The following THAP8 variants were observed in gnomAD, a reference collection of about 807,000 sequenced individuals.
THAP8 encodes the protein THAP domain containing 8, also known as THAP domain-containing protein 8.
In THAP8, 24 loss-of-function variants were observed where a neutral mutation model predicts 25.0. The ratio of observed to expected loss-of-function variants is 0.96; its 90% CI spans 0.69 to 1.35. The LOEUF is 1.35. THAP8 is among the 40% of genes most tolerant of loss of function. The pLI is 0.00. For synonymous variants in THAP8, 169 were observed against 157.6 expected (o/e 1.07, Z -0.54); for missense variants, 399 against 368.8 (o/e 1.08, Z -0.67).
chr19:36,040,223 C>T lies in THAP8; in HGVS notation c.84-87G>A, dbSNP rs1298537297. 4.3e-6 allele frequency: 6 copies of T among 1,389,498 alleles called. No individual in the cohort carries two copies. The East Asian group carries it at 1.5e-4, about 35-fold the overall frequency. The allele number at this position is 1,389,498 out of a possible 1,614,324, so 86.1% of individuals were successfully genotyped here. On this transcript the variant is annotated intron_variant, in intron 1 of 3. Coordinates refer to ENST00000292894, the MANE Select transcript of THAP8 (RefSeq NM_152658.3). ...GATACCCACCCTGGAGGTCTCTGGG[C>T]TCCAAGCCTGTGCCTCCCTAGGGCT...
At chr19:36,044,310 T>C (rs1182857486) in intron 1 of THAP8, among the ~76,000 whole-genome samples, 1 of 151,926 alleles carries the variant, frequency 6.6e-6, no homozygotes, top group Non-Finnish European at 1.5e-5. Context: ...ACTTATTTCA[T>C]ATTTTTCTTA....
At chr19:36,038,232 C>T (rs577654477) in intron 3 of THAP8, among the ~76,000 whole-genome samples, 4 of 151,308 alleles carry the variant, frequency 2.6e-5, no homozygotes, top group East Asian at 2.0e-4. Context: ...CATGAGCCAC[C>T]GCACACAGAC....
chr19:36,044,672 T>C (rs1421367966), intron 1 of THAP8, among the ~76,000 whole-genome samples: 1 of 152,108 alleles, frequency 6.6e-6, no homozygotes, highest in African/African-American at 2.4e-5. Flanking sequence ...AATTTCTTTT[T>C]GTAGAGACAG....
chr19:36,043,022 G>C (rs112022928), intron 1 of THAP8, among the ~76,000 whole-genome samples: 4,414 of 151,686 alleles, frequency 0.029, 213 homozygotes, highest in African/African-American at 0.1. Context: ...TCCGCCCCCT[G>C]GGTTCAAGCG....
intron 3 of THAP8, among the ~76,000 whole-genome samples, chr19:36,038,473 GA>G (rs1431087429): frequency 6.6e-6 from 1 of 151,320 alleles, no homozygotes; most frequent in Non-Finnish European, 1.5e-5. Context: ...GGCTGGTCTT[GA>G]ACTCCTAGGT....
At chr19:36,036,151 G>A (rs576717485) in intron 3 of THAP8, among the ~76,000 whole-genome samples, 5 of 152,172 alleles carry the variant, frequency 3.3e-5, no homozygotes, top group Non-Finnish European at 7.4e-5. Context: ...CTGTGCCCCA[G>A]GCCACAGTCT....
chr19:36,048,422 G>C (rs1328478330), intron 1 of THAP8, among the ~76,000 whole-genome samples: 2 of 151,140 alleles, frequency 1.3e-5, no homozygotes, highest in Non-Finnish European at 2.9e-5. Context: ...CTGGAGTGCA[G>C]TGGCGCGATC....
At chr19:36,037,272 ACACAC>A (rs994072324) in intron 3 of THAP8, among the ~76,000 whole-genome samples, 8 of 125,592 alleles carry the variant, frequency 6.4e-5, no homozygotes, top group Admixed American at 3.2e-4. Context: ...ACACACACAC[ACACAC>A]ACCTTCCTCA....
chr19:36,051,917 C>A (rs1005757262), intron 1 of THAP8, among the ~76,000 whole-genome samples: 1 of 152,204 alleles, frequency 6.6e-6, no homozygotes, highest in Non-Finnish European at 1.5e-5. Flanking sequence ...CGCATTACCA[C>A]CTGAGTTCCG....
rs539753796 is a variant in THAP8, at chr19:36,035,190, A to T, written c.*250T>A. ...GCTCTGCTCTGAGGCTGTCGTACTG[A>T]TTTGCAAAGATCTGAGCCGGGGGTG... On this transcript the variant is annotated 3_prime_UTR_variant, in exon 4 of 4. Coordinates refer to ENST00000292894, the MANE Select transcript of THAP8 (RefSeq NM_152658.3). 1,021 of 455,412 alleles carry T rather than the reference A, an allele frequency of 2.2e-3. 2 individuals are homozygous for T. Among genetic ancestry groups the T allele is most frequent in the Non-Finnish European group, 3.1e-3 (781 of 254,824 alleles). The allele number at this position is 455,412 out of a possible 1,614,324, so 28.2% of individuals were successfully genotyped here. A position where few individuals can be genotyped will look rare whatever the true frequency, so the allele number is the denominator to read the frequency against.
At chr19:36,050,682 C>T (rs1203424307) in intron 1 of THAP8, among the ~76,000 whole-genome samples, 3 of 152,202 alleles carry the variant, frequency 2.0e-5, no homozygotes, top group Non-Finnish European at 4.4e-5. Context: ...TGAGCTCTGT[C>T]ATGGCAGAAA....
intron 1 of THAP8, chr19:36,045,837 G>T (rs926311751): frequency 2.2e-6 from 1 of 456,566 alleles, no homozygotes; most frequent in Non-Finnish European, 4.4e-6. Flanking sequence ...ACCTCCAGAG[G>T]AGTACAGCCC....
At chr19:36,054,320 CG>C, upstream of THAP8, 1 of 1,361,820 alleles carries the variant, frequency 7.3e-7, no homozygotes, top group South Asian at 1.3e-5. Flanking sequence ...GCCTGCCTCA[CG>C]TGACGTCCGT....
At chr19:36,037,499 G>A (rs1969518234) in intron 3 of THAP8, among the ~76,000 whole-genome samples, 1 of 152,118 alleles carries the variant, frequency 6.6e-6, no homozygotes, top group African/African-American at 2.4e-5. Context: ...GGCCTCTTCT[G>A]CAGCCAGACA....
At chr19:36,041,399 C>A (rs1232869030) in intron 1 of THAP8, among the ~76,000 whole-genome samples, 2 of 151,800 alleles carry the variant, frequency 1.3e-5, no homozygotes, top group Admixed American at 6.6e-5. Flanking sequence ...AGAAATCAGT[C>A]TGAAATAATT....
In THAP8 at chr19:36,035,550, T is replaced by G. The variant is rs1288900312; in HGVS notation, c.715A>C (p.Thr239Pro). The G allele has an allele frequency of 3.7e-6, 6 of 1,613,844 alleles. No individual in the cohort carries two copies. The highest frequency in any genetic ancestry group is 5.1e-6 in the Non-Finnish European group (6 of 1,179,938). The change falls in exon 4 of 4, where the codon ACC (threonine) becomes CCC (proline). Residue 239 changes from threonine (T) to proline (P), a missense_variant. Transcript: ENST00000292894. The stretch of plus-strand genomic sequence containing the variant: ...ATGTCAGGCCCTCCACAGATGATGG[T>G]GAAGGTTTGGGATTCCTCAGGTCCA... ...TLGPEESQTF[T>P]IICGGPDIAM...
chr19:36,039,663 T>C lies in THAP8; in HGVS notation c.332A>G (p.Gln111Arg). 1.3e-6 allele frequency: 2 copies of C among 1,523,366 alleles called. No individual in the cohort carries two copies. Among genetic ancestry groups the C allele is most frequent in the South Asian group, 1.3e-5 (1 of 79,150 alleles). 94.4% of individuals were successfully genotyped at this position (1,523,366 alleles called of 1,614,324 possible). A position where few individuals can be genotyped will look rare whatever the true frequency, so the allele number is the denominator to read the frequency against. The stretch of plus-strand genomic sequence containing the variant: ...GCTCTGGGGCAGGGGTGTATTCTTC[T>C]GTAGGGGAGGCGGCGGCGAGACTGG... ...QKPVSPPPPL[Q>R]KNTPLPQSPA... Residue 111 changes from glutamine to arginine, a missense_variant, in exon 3 of 4, where the codon CAG (glutamine) becomes CGG (arginine). Transcript: ENST00000292894.
At chr19:36,035,760 C>T (rs1054502259) in intron 3 of THAP8, among the ~76,000 whole-genome samples, 168 bp from the exon 4 acceptor site, 4 of 150,968 alleles carry the variant, frequency 2.6e-5, no homozygotes, top group African/African-American at 9.8e-5. Flanking sequence ...ATGTGAGGGC[C>T]AGAGAGACAT....
In THAP8 at chr19:36,042,645, A is replaced by G. The variant is rs1272754790; in HGVS notation, c.84-2509T>C. On this transcript the variant is annotated intron_variant, in intron 1 of 3. Coordinates refer to ENST00000292894, the MANE Select transcript of THAP8 (RefSeq NM_152658.3). ...CATGCTGTCTCAAAAACAAACAAAC[A>G]GACAACAGAAACATAGCAGCATAAA... 2.0e-5 allele frequency among the ~76,000 whole-genome samples: 3 copies of G among 152,256 alleles called. No individual in the cohort carries two copies. In the East Asian group the frequency reaches 5.8e-4, roughly 29 times the overall value.
Sources: allele counts gnomAD v4.1 joint callset (sites outside exome capture counted in the v4.1 genomes callset), GRCh38; gene constraint gnomAD v4.1.1; transcripts MANE v1.5; gene names NCBI Gene and HGNC (gene_info 2026-07-23, HGNC 2026-07-21).